Variants in CDH23 observed in about 807,000 individuals in gnomAD.
The protein encoded by CDH23 is cadherin-23.
A neutral mutation model predicts 317.1 loss-of-function variants in CDH23; 189 were observed. The observed-to-expected ratio is 0.60, with a 90% confidence interval of 0.53 to 0.67. The LOEUF is 0.67. CDH23 is among the 30% of genes least tolerant of loss of function. The pLI, the probability that CDH23 is intolerant of heterozygous loss-of-function variation, is 0.00. For missense variants in CDH23, 4,401 were observed against 4,592.4 expected (o/e 0.96, Z 1.20); for synonymous variants, 1,839 against 1,876.8 (o/e 0.98, Z 0.52).
chr10:71,439,762 C>A, intron 1 of CDH23, 65 bp from the exon 2 acceptor site: 1 of 1,219,802 alleles, frequency 8.2e-7, no homozygotes, highest in Non-Finnish European at 1.2e-6. Flanking sequence ...GTGGGAGGGG[C>A]TGAGGAGCAG....
chr10:71,535,401 A>G (rs976056979), intron 6 of CDH23, among the ~76,000 whole-genome samples: 5 of 152,164 alleles, frequency 3.3e-5, no homozygotes, highest in African/African-American at 7.2e-5. Flanking sequence ...CTTCGGAACC[A>G]TGAGCACCAC....
chr10:71,729,714 G>A (rs962827144), intron 30 of CDH23, among the ~76,000 whole-genome samples: 14 of 152,174 alleles, frequency 9.2e-5, no homozygotes, highest in African/African-American at 3.1e-4. Flanking sequence ...TATTTTCCAA[G>A]ATATATTTTA....
At chr10:71,643,232 T>A (rs1233576411) in intron 11 of CDH23, among the ~76,000 whole-genome samples, 1 of 152,100 alleles carries the variant, frequency 6.6e-6, no homozygotes, top group Admixed American at 6.6e-5. Context: ...CATATAGGCA[T>A]GGATTTCCTG....
chr10:71,803,727 T>C (rs924513252), intron 55 of CDH23, among the ~76,000 whole-genome samples: 6 of 147,604 alleles, frequency 4.1e-5, no homozygotes, highest in South Asian at 4.3e-4. Context: ...CCCAGCACTT[T>C]GGGAGGCCAA....
rs559588554 is a variant in CDH23, at chr10:71,589,710, G to T, written c.832+11718G>T. Among the ~76,000 whole-genome samples the T allele has an allele frequency of 3.9e-5, 6 of 152,328 alleles. No homozygotes were observed. In the South Asian group the frequency reaches 1.2e-3, roughly 32 times the overall value. On this transcript the variant is annotated intron_variant, in intron 9 of 69. Transcript: ENST00000224721. ...GAAGGGTTGCCACCCGCAGGGTAGG[G>T]TGTGAGCACACGCTCCCAGGACCTT...
intron 8 of CDH23, among the ~76,000 whole-genome samples, chr10:71,576,716 G>A (rs1858229596): frequency 6.6e-6 from 1 of 152,192 alleles, no homozygotes; most frequent in Non-Finnish European, 1.5e-5. Context: ...AGGCATGGCT[G>A]GCACTGGCCA....
intron 56 of CDH23, 44 bp from the exon 57 acceptor site, chr10:71,806,124 C>G (rs1367366150): frequency 1.3e-6 from 2 of 1,538,110 alleles, no homozygotes; most frequent in South Asian, 1.2e-5. Context: ...CAAGCCAATC[C>G]CCTCTCCCAG....
intron 6 of CDH23, among the ~76,000 whole-genome samples, chr10:71,538,123 A>G (rs577116910): frequency 2.6e-5 from 4 of 152,346 alleles, no homozygotes; most frequent in Non-Finnish European, 5.9e-5. Context: ...GCAGGTCTGC[A>G]TTGCTCCTGG....
intron 1 of CDH23, among the ~76,000 whole-genome samples, chr10:71,439,150 G>A (rs1272400859): frequency 1.3e-5 from 2 of 152,194 alleles, no homozygotes; most frequent in Non-Finnish European, 2.9e-5. Flanking sequence ...GCTTAGCTCT[G>A]AGCCCTTCAA....
intron 26 of CDH23, chr10:71,707,521 C>T (rs1375625596): frequency 9.5e-7 from 1 of 1,052,916 alleles, no homozygotes; most frequent in African/African-American, 1.7e-5. Flanking sequence ...TGTTGCCTGG[C>T]TGTTGTCTGC....
intron 20 of CDH23, among the ~76,000 whole-genome samples, chr10:71,691,509 C>A (rs1865182570): frequency 6.6e-6 from 1 of 151,380 alleles, no homozygotes; most frequent in Non-Finnish European, 1.5e-5. Context: ...ACAGCTACAC[C>A]CTATCTCAGT....
intron 38 of CDH23, chr10:71,755,583 C>G: frequency 1.1e-6 from 1 of 935,656 alleles, no homozygotes; most frequent in Admixed American, 2.4e-5. Context: ...TCCCCAGAGT[C>G]CCACAGCTAG....
At chr10:71,552,235 G>A (rs967251920) in intron 6 of CDH23, among the ~76,000 whole-genome samples, 5 of 152,250 alleles carry the variant, frequency 3.3e-5, no homozygotes, top group African/African-American at 1.2e-4. Flanking sequence ...AGGGGAACAA[G>A]ACAGGTGTCT....
At chr10:71,754,167 T>C (rs1468892545) in intron 38 of CDH23, among the ~76,000 whole-genome samples, 1 of 152,078 alleles carries the variant, frequency 6.6e-6, no homozygotes, top group Non-Finnish European at 1.5e-5. Flanking sequence ...CTGCCCAGCG[T>C]TGCTCTTCTG....
rs1196805915 is a variant in CDH23 at position 71,700,556 on chromosome 10, C to A, written c.2398-1466C>A. On this transcript the variant is annotated intron_variant, in intron 22 of 69. Coordinates refer to ENST00000224721, the MANE Select transcript of CDH23 (RefSeq NM_022124.6). Reference sequence around the variant, plus strand: ...TGCAAAATGGGGGTGTTGGGCTTCCCTTTATGGAGGCTAGGGAAACTGAGG... The same window carrying A: ...TGCAAAATGGGGGTGTTGGGCTTCCATTTATGGAGGCTAGGGAAACTGAGG... Among the ~76,000 whole-genome samples the A allele has an allele frequency of 2.0e-5, 3 of 152,338 alleles. 1 individual carries two copies. In the East Asian group the frequency reaches 5.8e-4, roughly 29 times the overall value.
At chr10:71,652,126 G>A (rs983639250) in intron 14 of CDH23, among the ~76,000 whole-genome samples, 2 of 152,346 alleles carry the variant, frequency 1.3e-5, no homozygotes, top group East Asian at 1.9e-4. Context: ...GCAGGTGTGG[G>A]GCCCCAGGAC....
At chr10:71,591,112 T>A (rs766754575) in intron 9 of CDH23, among the ~76,000 whole-genome samples, 1 of 151,952 alleles carries the variant, frequency 6.6e-6, no homozygotes, top group Non-Finnish European at 1.5e-5. Flanking sequence ...CGCTCCTCCA[T>A]CACAGCATTT....
chr10:71,645,438 C>A (rs1862790148), intron 12 of CDH23, among the ~76,000 whole-genome samples: 1 of 152,238 alleles, frequency 6.6e-6, no homozygotes, highest in African/African-American at 2.4e-5. Context: ...TCTCTTCTCT[C>A]CACTCCCCTC....
At chr10:71,597,115 C>T (rs966934374) in intron 9 of CDH23, among the ~76,000 whole-genome samples, 10 of 152,096 alleles carry the variant, frequency 6.6e-5, no homozygotes, top group Admixed American at 4.6e-4. Flanking sequence ...ATAGGCCCCA[C>T]GCCAACAGGA....
Sources: allele counts gnomAD v4.1 joint callset (sites outside exome capture counted in the v4.1 genomes callset), GRCh38; gene constraint gnomAD v4.1.1; transcripts MANE v1.5; gene names NCBI Gene and HGNC (gene_info 2026-07-23, HGNC 2026-07-21).